The following DNAI3 variants were observed in gnomAD, a reference collection of about 807,000 sequenced individuals.
DNAI3 encodes dynein axonemal intermediate chain 3.
Under a neutral mutation model 115.5 loss-of-function variants are expected in DNAI3, and 83 were observed. That is an observed-to-expected ratio of 0.72 (90% CI 0.60 to 0.86). The LOEUF (loss-of-function observed/expected upper bound fraction) is 0.86. DNAI3 is among the 40% of genes least tolerant of loss of function. The pLI, the probability that DNAI3 is intolerant of heterozygous loss-of-function variation, is 0.00. For missense variants in DNAI3, 1,004 were observed against 1,075.8 expected, an observed-to-expected ratio of 0.93 and a Z score of 0.93; for synonymous variants, 320 against 347.0, an observed-to-expected ratio of 0.92 and a Z score of 0.86.
At chr1:85,074,155 C>A (rs1271935424) in intron 3 of DNAI3, among the ~76,000 whole-genome samples, 1 of 152,152 alleles carries the variant, frequency 6.6e-6, no homozygotes, top group East Asian at 1.9e-4. Context: ...AACCCATCTG[C>A]TTCATATTAT....
intron 21 of DNAI3, 88 bp downstream of exon 21, chr1:85,128,887 T>G (rs933259982): frequency 4.0e-6 from 5 of 1,239,088 alleles, no homozygotes; most frequent in African/African-American, 1.5e-5. Context: ...ATGACAGCAT[T>G]TTTGCTCTGT....
intron 22 of DNAI3, among the ~76,000 whole-genome samples, chr1:85,131,506 CAAAT>C (rs1224042435): frequency 6.8e-6 from 1 of 146,388 alleles, no homozygotes; most frequent in Non-Finnish European, 1.5e-5. Flanking sequence ...GCTGCATTAG[CAAAT>C]AAATTAACAT....
chr1:85,121,425 C>T (rs528665701), intron 17 of DNAI3, among the ~76,000 whole-genome samples: 12 of 152,332 alleles, frequency 7.9e-5, no homozygotes, highest in African/African-American at 2.6e-4. Context: ...ATAAGATGGC[C>T]TGATCCCTCC....
At chr1:85,128,125 C>CA (rs11344833) in intron 20 of DNAI3, among the ~76,000 whole-genome samples, 2,340 of 64,316 alleles carry the variant, frequency 0.036, 88 homozygotes, top group Non-Finnish European at 0.048. Context: ...GACCCTGTCT[C>CA]AAAAAAAAAA....
In DNAI3 at chr1:85,090,792, T is replaced by C. The variant is rs550617309; in HGVS notation, c.857+560T>C. Among the ~76,000 whole-genome samples the C allele has an allele frequency of 1.0e-3, 158 of 152,256 alleles. 1 individual carries two copies. The highest frequency in any genetic ancestry group is 3.4e-3 in the Middle Eastern group (1 of 294). On this transcript the variant is annotated intron_variant, in intron 8 of 22. Transcript: ENST00000294664. ...ACCCTGGGTAGAGTTCTGGGGCTTCTAAACCAGAGAAACAGCTTGACAAGT... is the reference window on the plus strand; with the variant it reads ...ACCCTGGGTAGAGTTCTGGGGCTTCCAAACCAGAGAAACAGCTTGACAAGT...
In DNAI3 at chr1:85,103,995, A is replaced by G. The variant is rs187944946; in HGVS notation, c.1480-529A>G. On this transcript the variant is annotated intron_variant, in intron 13 of 22. Transcript: ENST00000294664. Reference sequence around the variant, plus strand: ...GGGAAAAATCTCAGTATAAAAATGTATATGCATTCTAATTACTACTATGTA... The same window carrying G: ...GGGAAAAATCTCAGTATAAAAATGTGTATGCATTCTAATTACTACTATGTA... 8.7e-3 allele frequency among the ~76,000 whole-genome samples: 1,306 copies of G among 150,760 alleles called. 20 individuals are homozygous for G. The highest frequency in any genetic ancestry group is 0.03 in the African/African-American group (1,230 of 41,266).
In DNAI3 at chr1:85,062,378, A is replaced by T. The variant is rs1472336995; in HGVS notation, c.-123A>T. The T allele has an allele frequency of 6.6e-6, 1 of 152,108 alleles. No individual in the cohort carries two copies. Among genetic ancestry groups the T allele is most frequent in the African/African-American group, 2.4e-5 (1 of 41,396 alleles). The allele number at this position is 152,108 out of a possible 1,614,324, so 9.4% of individuals were successfully genotyped here. A position where few individuals can be genotyped will look rare whatever the true frequency, so the allele number is the denominator to read the frequency against. On this transcript the variant is annotated 5_prime_UTR_variant, in exon 1 of 23. Transcript: ENST00000294664. ...AGTTGCTGCGGTTTGTGCCCTTGCGATTTCTTTTTCTGAGAGAGGAGAGTC... is the reference window on the plus strand; with the variant it reads ...AGTTGCTGCGGTTTGTGCCCTTGCGTTTTCTTTTTCTGAGAGAGGAGAGTC...
At chr1:85,120,077 C>A (rs1269683545) in intron 17 of DNAI3, among the ~76,000 whole-genome samples, 1 of 152,240 alleles carries the variant, frequency 6.6e-6, no homozygotes, top group Non-Finnish European at 1.5e-5. Context: ...TTACTCATCC[C>A]TCAACAGATA....
At chr1:85,089,731 G>C (rs1483510874) in intron 7 of DNAI3, among the ~76,000 whole-genome samples, 1 of 151,854 alleles carries the variant, frequency 6.6e-6, no homozygotes, top group Non-Finnish European at 1.5e-5. Context: ...CCATGAGGGG[G>C]TGAGGTGGAC....
In DNAI3 at chr1:85,110,209, C is replaced by T. The variant is rs554587329; in HGVS notation, c.1786+74C>T. The stretch of plus-strand genomic sequence containing the variant: ...GCTCACGCCTGTAATCCCAGCACTT[C>T]GGGAGGCTGAGGCGGGCGGATCACG... On this transcript the variant is annotated intron_variant, in intron 16 of 22. Transcript: ENST00000294664. 5.2e-3 allele frequency: 7,105 copies of T among 1,367,782 alleles called. 31 individuals are homozygous for T. Among genetic ancestry groups the T allele is most frequent in the Non-Finnish European group, 6.3e-3 (6,262 of 988,542 alleles). 84.7% of individuals were successfully genotyped at this position (1,367,782 alleles called of 1,614,324 possible).
intron 1 of DNAI3, among the ~76,000 whole-genome samples, chr1:85,064,311 G>C (rs925878603): frequency 6.6e-6 from 1 of 152,122 alleles, no homozygotes; most frequent in African/African-American, 2.4e-5. Context: ...TAATAGGATA[G>C]CATCTACTCA....
At position 85,124,216 on chromosome 1, in the gene DNAI3, G is replaced by C; in HGVS notation, c.2077G>C (p.Gly693Arg). The C allele has an allele frequency of 6.2e-7, 1 of 1,613,104 alleles. No individual in the cohort carries two copies. Among genetic ancestry groups the C allele is most frequent in the Non-Finnish European group, 8.5e-7 (1 of 1,179,860 alleles). The change falls in exon 19 of 23, where the codon GGT becomes CGT. Residue 693 changes from glycine to arginine, a missense_variant. Physicochemically the swap from Gly to Arg is moderately radical, Grantham distance 125 (BLOSUM62 -2). Coordinates refer to ENST00000294664, the MANE Select transcript of DNAI3 (RefSeq NM_145172.5). ...FYNDIILTVGGWNVAIWKEGV... is the reference protein window; with the variant it reads ...FYNDIILTVGRWNVAIWKEGV... ...CAACGACATTATTCTCACGGTTGGA[G>C]GTTGGAACGTGGCCATATGGAAAGA...
intron 3 of DNAI3, among the ~76,000 whole-genome samples, chr1:85,079,181 A>G (rs1300281652): frequency 6.6e-6 from 1 of 152,220 alleles, no homozygotes; most frequent in African/African-American, 2.4e-5. Flanking sequence ...GTCTGTTTGC[A>G]GAGGAGTACT....
intron 5 of DNAI3, 73 bp from the exon 6 acceptor site, chr1:85,084,473 A>AATAT (rs57826280): frequency 0.041 from 38,794 of 938,720 alleles, 336 homozygotes; most frequent in East Asian, 0.11. Flanking sequence ...TTTGTTGCAA[A>AATAT]ATATATATAT....
intron 10 of DNAI3, 22 bp from the exon 11 acceptor site, chr1:85,095,909 G>A: frequency 6.2e-7 from 1 of 1,603,286 alleles, no homozygotes; most frequent in Non-Finnish European, 8.5e-7. Flanking sequence ...ATTCTTTCAT[G>A]AATTTGCTGG....
chr1:85,087,016 C>T lies in DNAI3; in HGVS notation c.740+986C>T, dbSNP rs911404736. 1.2e-4 allele frequency among the ~76,000 whole-genome samples: 18 copies of T among 152,150 alleles called. No homozygotes were observed. The East Asian group carries it at 3.1e-3, about 26-fold the overall frequency. ...CTGGCTTCCTCATTCCTTGATTCAC[C>T]ACGCATACTCATACCTGATGTGTTT... On this transcript the variant is annotated intron_variant, in intron 7 of 22. Transcript: ENST00000294664.
chr1:85,114,591 C>T (rs986585253), intron 16 of DNAI3, among the ~76,000 whole-genome samples: 5 of 152,120 alleles, frequency 3.3e-5, no homozygotes, highest in Non-Finnish European at 5.9e-5. Flanking sequence ...CCATGATCTG[C>T]CTCCTGTGTG....
chr1:85,073,208 A>C, intron 3 of DNAI3, 116 bp downstream of exon 3: 1 of 643,632 alleles, frequency 1.6e-6, no homozygotes, highest in Non-Finnish European at 2.4e-6. Context: ...ACATGGGCTA[A>C]AATTATACCA....
At chr1:85,086,150 A>G (rs962866301) in intron 7 of DNAI3, 120 bp downstream of exon 7, 5 of 866,294 alleles carry the variant, frequency 5.8e-6, no homozygotes, top group Non-Finnish European at 8.8e-6. Context: ...GATGACACAT[A>G]GATCTCCACA....
Sources: gnomAD v4.1 joint callset for allele counts (sites outside exome capture counted in the v4.1 genomes callset) on GRCh38, gnomAD v4.1.1 for gene constraint, MANE v1.5 for transcripts, NCBI Gene and HGNC (gene_info 2026-07-23, HGNC 2026-07-21) for gene names.